Variants in USP40 observed in about 807,000 individuals in gnomAD.
The protein encoded by USP40 is ubiquitin specific peptidase 40.
USP40 carries 143 observed loss-of-function variants against 166.2 expected under a neutral mutation model. The ratio of observed to expected loss-of-function variants is 0.86; its 90% confidence interval spans 0.75 to 0.99. The LOEUF is 0.99. Ranked by LOEUF, USP40 falls within the 50% of genes least tolerant of loss-of-function variation. The pLI, the probability that USP40 is intolerant of heterozygous loss-of-function variation, is 0.00. For missense variants in USP40, 1,444 were observed against 1,479.7 expected (o/e 0.98, Z 0.40); for synonymous variants, 498 against 524.0 (o/e 0.95, Z 0.68).
At chr2:233,538,601 C>T (rs1261136881) in intron 10 of USP40, among the ~76,000 whole-genome samples, 1 of 152,130 alleles carries the variant, frequency 6.6e-6, no homozygotes, top group Admixed American at 6.5e-5. Context: ...TCCTTAAAAA[C>T]CATAATTTTC....
Position 233,533,478 on chromosome 2 carries a change from C to A in USP40, c.1471+1G>T. On this transcript the variant is annotated splice_donor_variant, in intron 11 of 31. Transcript: ENST00000678225. LOFTEE classifies it high-confidence loss of function. ...AAATAGGAACATTTTTCTTTCCATACCTTCAGGGGGTCTCTGCAACTGGGA... is the reference window on the plus strand; with the variant it reads ...AAATAGGAACATTTTTCTTTCCATAACTTCAGGGGGTCTCTGCAACTGGGA... 2 of 1,610,532 alleles carry A rather than the reference C, an allele frequency of 1.2e-6. No individual in the cohort carries two copies. Among genetic ancestry groups the A allele is most frequent in the Non-Finnish European group, 1.7e-6 (2 of 1,177,632 alleles).
rs534096037 is a variant in USP40 at position 233,542,618 on chromosome 2, C to T, written c.967-255G>A. On this transcript the variant is annotated intron_variant, in intron 8 of 31. Transcript: ENST00000678225. ...GCTTGAGCCCAGGAGGTCAAGGCTGCAGTAGGCCGTGATTGCGCCACTGCA... is the reference window on the plus strand; with the variant it reads ...GCTTGAGCCCAGGAGGTCAAGGCTGTAGTAGGCCGTGATTGCGCCACTGCA... 2.2e-3 allele frequency: 713 copies of T among 325,226 alleles called. 5 individuals carry two copies. The highest frequency in any genetic ancestry group is 2.9e-3 in the Non-Finnish European group (511 of 178,450). 20.1% of individuals were successfully genotyped at this position (325,226 alleles called of 1,614,324 possible).
intron 2 of USP40, among the ~76,000 whole-genome samples, chr2:233,564,493 CAG>C (rs573087694): frequency 2.5e-3 from 382 of 152,132 alleles, no homozygotes; most frequent in Non-Finnish European, 3.9e-3. Context: ...TAGAGAGAAA[CAG>C]GGGCAAGAAA....
intron 8 of USP40, among the ~76,000 whole-genome samples, chr2:233,547,670 G>T (rs1053464835): frequency 6.6e-6 from 1 of 152,126 alleles, no homozygotes; most frequent in African/African-American, 2.4e-5. Flanking sequence ...ACTAGACACC[G>T]GTTAGCACTT....
In USP40 at chr2:233,540,126, A is replaced by G. The variant is rs559044513; in HGVS notation, c.1170+536T>C. Among the ~76,000 whole-genome samples, 929 of 150,762 alleles carry G rather than the reference A, an allele frequency of 6.2e-3. 1 individual carries two copies. The highest frequency in any genetic ancestry group is 0.021 in the African/African-American group (876 of 41,192). On this transcript the variant is annotated intron_variant, in intron 10 of 31. Coordinates refer to ENST00000678225, the MANE Select transcript of USP40 (RefSeq NM_001365479.2). Reference sequence around the variant, plus strand: ...GGCGACAGAGTGGACCTCAACTCAAAAAAAAAAAAAAAACAAAAAACAAAC... The same window carrying G: ...GGCGACAGAGTGGACCTCAACTCAAGAAAAAAAAAAAAACAAAAAACAAAC...
At chr2:233,560,936 T>C (rs2071532117) in intron 3 of USP40, 1 of 688,150 alleles carries the variant, frequency 1.5e-6, no homozygotes, top group Non-Finnish European at 2.7e-6. Context: ...TAAAGAGTGT[T>C]ACATGTTTAT....
intron 11 of USP40, among the ~76,000 whole-genome samples, chr2:233,531,475 C>T (rs1481528652): frequency 1.3e-5 from 2 of 152,140 alleles, no homozygotes. Context: ...ATTCCAATTA[C>T]GTACACACTA....
chr2:233,529,589 G>C, intron 11 of USP40, 77 bp from the exon 12 acceptor site: 1 of 1,068,544 alleles, frequency 9.4e-7, no homozygotes, highest in Non-Finnish European at 1.3e-6. Flanking sequence ...TGAAGACTAG[G>C]AAGGACTGTC....
chr2:233,477,384 C>T lies in USP40; in HGVS notation c.*8G>A, dbSNP rs976133144. 1.7e-5 allele frequency: 27 copies of T among 1,612,282 alleles called. No homozygotes were observed. Among genetic ancestry groups the T allele is most frequent in the East Asian group, 2.2e-5 (1 of 44,858 alleles). ...GTTCATCGGGAGTAGAGCCGTGCAGCGGCGCGGTTATCTGAAGCTCCCCAC... is the reference window on the plus strand; with the variant it reads ...GTTCATCGGGAGTAGAGCCGTGCAGTGGCGCGGTTATCTGAAGCTCCCCAC... On this transcript the variant is annotated 3_prime_UTR_variant, in exon 32 of 32. Coordinates refer to ENST00000678225, the MANE Select transcript of USP40 (RefSeq NM_001365479.2).
intron 21 of USP40, among the ~76,000 whole-genome samples, chr2:233,504,001 G>T (rs1218860665): frequency 6.6e-6 from 1 of 152,012 alleles, no homozygotes; most frequent in Non-Finnish European, 1.5e-5. Flanking sequence ...GTAAATTAAG[G>T]CAACAAAAAT....
intron 17 of USP40, among the ~76,000 whole-genome samples, chr2:233,520,272 T>C (rs921683934): frequency 2.0e-5 from 3 of 151,922 alleles, no homozygotes; most frequent in African/African-American, 4.8e-5. Context: ...AGAAACAGAG[T>C]GAGTCATAAA....
At position 233,481,297 on chromosome 2, in the gene USP40, T is replaced by C. The variant is rs1281701897; in HGVS notation, c.3505A>G (p.Asn1169Asp). 1 of 1,593,464 alleles carries C rather than the reference T, an allele frequency of 6.3e-7. No homozygotes were observed. The highest frequency in any genetic ancestry group is 1.1e-5 in the South Asian group (1 of 87,460). Residue 1169 changes from asparagine (N) to aspartate (D), a missense_variant and splice_region_variant, in exon 31 of 32, where the codon AAT (asparagine) becomes GAT (aspartate). Physicochemically the swap from Asn to Asp is conservative, Grantham distance 23 (BLOSUM62 1). Transcript: ENST00000678225. The stretch of plus-strand genomic sequence containing the variant: ...TCATCATCGTCGTCAATCAGGAGAT[T>C]CTACATTTCAAAAGAAGTAATGAGC... ...LKDGDTIGVK[N>D]LLIDDDDDFS...
intron 17 of USP40, among the ~76,000 whole-genome samples, chr2:233,520,172 T>C (rs2067553762): frequency 6.6e-6 from 1 of 152,152 alleles, no homozygotes; most frequent in Non-Finnish European, 1.5e-5. Flanking sequence ...TTTAACCTAA[T>C]TTCCTCTAGG....
At position 233,480,032 on chromosome 2, in the gene USP40, A is replaced by T. The variant is rs1462914706; in HGVS notation, c.3599+1171T>A. Among the ~76,000 whole-genome samples the T allele has an allele frequency of 1.3e-5, 2 of 152,140 alleles. No individual in the cohort carries two copies. On this transcript the variant is annotated intron_variant, in intron 31 of 31. Transcript: ENST00000678225. This position sits in a 1 kb window ranked among gnomAD's most constrained non-coding sequence, Gnocchi z 4.5. ...TCCACTCACCACAAAGCAGCCAGTG[A>T]TCATGTCAACGCGTCCCCCTTCACA...
chr2:233,498,785 C>G (rs2065889803), intron 22 of USP40, among the ~76,000 whole-genome samples, 173 bp from the exon 23 acceptor site: 1 of 152,218 alleles, frequency 6.6e-6, no homozygotes, highest in African/African-American at 2.4e-5. Context: ...CTACTGAAAT[C>G]AGAATGAGGT....
intron 7 of USP40, among the ~76,000 whole-genome samples, chr2:233,551,048 A>G (rs1392873339): frequency 2.0e-5 from 3 of 152,250 alleles, no homozygotes; most frequent in Non-Finnish European, 4.4e-5. Flanking sequence ...ATGACTCTAA[A>G]TAAATCAGTG....
At chr2:233,539,826 G>C (rs982400795) in intron 10 of USP40, among the ~76,000 whole-genome samples, 2 of 152,024 alleles carry the variant, frequency 1.3e-5, no homozygotes, top group African/African-American at 4.8e-5. Flanking sequence ...AAGCAATAGA[G>C]AAAATCAATA....
At chr2:233,509,838 TAAAAAAAAAAAAAAAA>T (rs746629187) in intron 21 of USP40, among the ~76,000 whole-genome samples, 195 bp downstream of exon 21, 2 of 80,826 alleles carry the variant, frequency 2.5e-5, no homozygotes, top group Non-Finnish European at 5.0e-5. Context: ...TGAGACTCTC[TAAAAAAAAAAAAAAAA>T]AAAAAAAAAT....
At chr2:233,482,072 AC>A (rs2064641942) in intron 30 of USP40, among the ~76,000 whole-genome samples, 1 of 151,756 alleles carries the variant, frequency 6.6e-6, no homozygotes, top group South Asian at 2.1e-4. Flanking sequence ...TGAGAGATTA[AC>A]CAGGCTCTGC....
Sources: gnomAD v4.1 joint callset for allele counts (sites outside exome capture counted in the v4.1 genomes callset) on GRCh38, gnomAD v4.1.1 for gene constraint, Gnocchi (gnomAD v3.1) non-coding constraint, MANE v1.5 for transcripts, NCBI Gene and HGNC (gene_info 2026-07-23, HGNC 2026-07-21) for gene names.